The following DCDC2C variants were observed in gnomAD, a reference collection of about 807,000 sequenced individuals.
DCDC2C encodes doublecortin domain containing 2C, also known as doublecortin domain-containing protein 2C.
DCDC2C carries 44 observed loss-of-function variants against 45.0 expected under a neutral mutation model. The observed-to-expected ratio is 0.98, with a 90% CI of 0.77 to 1.26. The LOEUF is 1.26. DCDC2C is among the 50% of genes most tolerant of loss of function. The pLI is 0.00. For missense variants in DCDC2C, 447 were observed against 468.9 expected, an observed-to-expected ratio of 0.95 and a Z score of 0.43; for synonymous variants, 187 against 178.8, an observed-to-expected ratio of 1.05 and a Z score of -0.37.
intron 3 of DCDC2C, among the ~76,000 whole-genome samples, chr2:3,739,724 A>G (rs1055675738): frequency 2.0e-5 from 3 of 152,206 alleles, no homozygotes; most frequent in African/African-American, 7.2e-5. Flanking sequence ...CATGTGATCC[A>G]GTTGTTCTGG....
rs562521735 is a variant in DCDC2C, at chr2:3,776,665, C to T, written c.955-2151C>T. Among the ~76,000 whole-genome samples the T allele has an allele frequency of 2.0e-5, 3 of 152,310 alleles. No individual in the cohort carries two copies. In the South Asian group the frequency reaches 6.2e-4, roughly 32 times the overall value. ...AGGATGAGGGGTAGGGCATCTTCTC[C>T]TCTCACTCTGGATGTCCTCTCTATG... On this transcript the variant is annotated intron_variant, in intron 8 of 10. Coordinates refer to ENST00000399143, the MANE Select transcript of DCDC2C (RefSeq NM_001287444.2).
intron 8 of DCDC2C, among the ~76,000 whole-genome samples, chr2:3,777,039 G>T (rs1456069151): frequency 6.6e-6 from 1 of 152,084 alleles, no homozygotes; most frequent in African/African-American, 2.4e-5. Context: ...GTCCCACTTA[G>T]CATCCTCTTT....
chr2:3,844,618 C>T (rs1252700102), intron 10 of DCDC2C: 5 of 152,192 alleles, frequency 3.3e-5, no homozygotes, highest in African/African-American at 9.7e-5. Flanking sequence ...TAAAAGCGGA[C>T]ATTTTTTCAC....
At chr2:3,721,300 C>A (rs1262701641) in intron 2 of DCDC2C, among the ~76,000 whole-genome samples, 1 of 151,562 alleles carries the variant, frequency 6.6e-6, no homozygotes, top group Non-Finnish European at 1.5e-5. Flanking sequence ...TTTGGGGAAC[C>A]CTGCAGCACC....
At chr2:3,748,755 C>T (rs1296842593) in intron 4 of DCDC2C, among the ~76,000 whole-genome samples, 4 of 152,106 alleles carry the variant, frequency 2.6e-5, no homozygotes, top group Non-Finnish European at 5.9e-5. Flanking sequence ...ATAAATAGCC[C>T]ATCAACCTTG....
intron 10 of DCDC2C, 129 bp from the exon 11 acceptor site, chr2:3,847,025 C>CAA: frequency 3.0e-6 from 1 of 334,126 alleles, no homozygotes. Context: ...CACCCCACCC[C>CAA]TCCCAGGAAC....
intron 3 of DCDC2C, among the ~76,000 whole-genome samples, 187 bp downstream of exon 3, chr2:3,727,266 A>G (rs1668717845): frequency 6.7e-6 from 1 of 149,842 alleles, no homozygotes; most frequent in African/African-American, 2.5e-5. Flanking sequence ...TCTCTGATTC[A>G]GCTGTTCATG....
chr2:3,795,869 A>G (rs1326734870), intron 10 of DCDC2C, among the ~76,000 whole-genome samples: 2 of 133,444 alleles, frequency 1.5e-5, no homozygotes, highest in Admixed American at 7.4e-5. Flanking sequence ...TTGGTTCCAT[A>G]TGAACTTTAA....
At chr2:3,748,608 T>G (rs1326307867) in intron 4 of DCDC2C, among the ~76,000 whole-genome samples, 1 of 151,914 alleles carries the variant, frequency 6.6e-6, no homozygotes, top group East Asian at 1.9e-4. Context: ...GAGTGTGAAG[T>G]CAAGGAAGAG....
chr2:3,801,395 A>G (rs1186039923), intron 10 of DCDC2C, among the ~76,000 whole-genome samples: 1 of 152,216 alleles, frequency 6.6e-6, no homozygotes, highest in African/African-American at 2.4e-5. Context: ...AGATGAATCC[A>G]TGGTGAGTGC....
intron 7 of DCDC2C, 94 bp downstream of exon 7, chr2:3,767,974 A>G: frequency 1.6e-6 from 2 of 1,272,524 alleles, no homozygotes; most frequent in Non-Finnish European, 2.1e-6. Flanking sequence ...CTTATACTCC[A>G]GAAATATTGT....
rs149497079 is a variant in DCDC2C, at chr2:3,708,018, G to A, written c.288-531G>A. 7.9e-5 allele frequency among the ~76,000 whole-genome samples: 12 copies of A among 152,220 alleles called. No individual in the cohort carries two copies. The East Asian group carries it at 2.3e-3, about 29-fold the overall frequency. ...ATGGAAGTCTCAAAAGTCCCCAACA[G>A]TAAAAAAAATTGTGTTAGTAGGGCT... On this transcript the variant is annotated intron_variant, in intron 1 of 10. Coordinates refer to ENST00000399143, the MANE Select transcript of DCDC2C (RefSeq NM_001287444.2).
intron 2 of DCDC2C, among the ~76,000 whole-genome samples, chr2:3,718,727 A>G (rs753027461): frequency 1.3e-5 from 2 of 151,990 alleles, no homozygotes; most frequent in Non-Finnish European, 1.5e-5. Flanking sequence ...GGCTTTTCCT[A>G]TTGTGTCTGG....
intron 4 of DCDC2C, among the ~76,000 whole-genome samples, chr2:3,744,391 G>A (rs1166808768): frequency 2.0e-5 from 3 of 152,198 alleles, no homozygotes; most frequent in Non-Finnish European, 4.4e-5. Flanking sequence ...GCGGGAGACT[G>A]GGAGGCCAAG....
At chr2:3,719,987 CA>C (rs1390950623) in intron 2 of DCDC2C, among the ~76,000 whole-genome samples, 1 of 152,164 alleles carries the variant, frequency 6.6e-6, no homozygotes, top group Non-Finnish European at 1.5e-5. Flanking sequence ...GCCCGTGTGC[CA>C]GGGGTTTGGG....
intron 10 of DCDC2C, among the ~76,000 whole-genome samples, chr2:3,830,210 C>A (rs531153785): frequency 6.6e-6 from 1 of 152,178 alleles, no homozygotes; most frequent in African/African-American, 2.4e-5. Context: ...TACCTAAATG[C>A]ATCTCTGCAG....
chr2:3,770,642 A>C (rs192651632), intron 8 of DCDC2C, among the ~76,000 whole-genome samples: 2 of 152,372 alleles, frequency 1.3e-5, no homozygotes, highest in Non-Finnish European at 2.9e-5. Flanking sequence ...AGGACATTTT[A>C]GGCTGTTACT....
intron 8 of DCDC2C, among the ~76,000 whole-genome samples, chr2:3,772,929 A>G (rs1268087652): frequency 6.6e-6 from 1 of 152,174 alleles, no homozygotes; most frequent in African/African-American, 2.4e-5. Context: ...AGACTCTCAC[A>G]GAGTTCTGTG....
At chr2:3,779,578 C>T (rs943228438) in intron 9 of DCDC2C, among the ~76,000 whole-genome samples, 4 of 152,118 alleles carry the variant, frequency 2.6e-5, no homozygotes, top group Non-Finnish European at 1.5e-5. Flanking sequence ...AGAATTCTGT[C>T]TGTGGATCTT....
Sources: gnomAD v4.1 joint callset for allele counts (sites outside exome capture counted in the v4.1 genomes callset) on GRCh38, gnomAD v4.1.1 for gene constraint, MANE v1.5 for transcripts, NCBI Gene and HGNC (gene_info 2026-07-23, HGNC 2026-07-21) for gene names.